UTRN: variants seen among roughly 807,000 people sequenced by gnomAD.
The protein encoded by UTRN is utrophin.
UTRN carries 283 observed loss-of-function variants against 463.9 expected under a neutral mutation model. The ratio of observed to expected loss-of-function variants is 0.61; its 90% CI spans 0.55 to 0.67. The LOEUF (loss-of-function observed/expected upper bound fraction) is 0.67. Ranked by LOEUF, UTRN falls within the 30% of genes least tolerant of loss-of-function variation. The probability of loss-of-function intolerance (pLI) is 0.00; values close to 1 mark genes in which losing one functional copy is unlikely to be tolerated. For synonymous variants in UTRN, 1,442 were observed against 1,431.5 expected (o/e 1.01, Z -0.17); for missense variants, 3,922 against 4,084.3 (o/e 0.96, Z 1.08).
chr6:144,536,335 G>A (rs1322926043), intron 43 of UTRN, among the ~76,000 whole-genome samples: 1 of 152,026 alleles, frequency 6.6e-6, no homozygotes, highest in Non-Finnish European at 1.5e-5. Flanking sequence ...AGAAACAAAG[G>A]CCTATAATAG....
chr6:144,441,838 T>G (rs1305133370), intron 13 of UTRN, among the ~76,000 whole-genome samples: 1 of 152,246 alleles, frequency 6.6e-6, no homozygotes, highest in Admixed American at 6.5e-5. Context: ...TCTTGACTTC[T>G]GTGTACCCGC....
intron 34 of UTRN, among the ~76,000 whole-genome samples, chr6:144,505,623 T>C (rs60733415): frequency 0.029 from 4,349 of 152,282 alleles, 203 homozygotes; most frequent in African/African-American, 0.098. Context: ...AGAGACTGTT[T>C]GTTACGATTT....
At chr6:144,815,640 G>A (rs369425245) in intron 65 of UTRN, among the ~76,000 whole-genome samples, 7 of 152,306 alleles carry the variant, frequency 4.6e-5, no homozygotes, top group Admixed American at 1.3e-4. Flanking sequence ...AAAGATGAAG[G>A]CCAGAAGACT....
chr6:144,646,406 G>A (rs12198720), intron 51 of UTRN, among the ~76,000 whole-genome samples: 1 of 151,978 alleles, frequency 6.6e-6, no homozygotes, highest in African/African-American at 2.4e-5. Context: ...ATGTTACTAG[G>A]TTCCTCTGTG....
chr6:144,846,932 G>C, intron 74 of UTRN, 105 bp downstream of exon 74: 1 of 1,467,498 alleles, frequency 6.8e-7, no homozygotes, highest in South Asian at 1.2e-5. Context: ...ATGTAAATAA[G>C]TAAACTTACT....
intron 23 of UTRN, among the ~76,000 whole-genome samples, chr6:144,465,541 T>C (rs1159234644): frequency 6.6e-6 from 1 of 152,248 alleles, no homozygotes; most frequent in African/African-American, 2.4e-5. Context: ...GTGTACTAAC[T>C]GCAAGATTGT....
rs1438507557 is a variant in UTRN at position 144,828,798 on chromosome 6, A to G, written c.9608A>G (p.Gln3203Arg). 3 of 1,613,500 alleles carry G rather than the reference A, an allele frequency of 1.9e-6. No individual in the cohort carries two copies. The highest frequency in any genetic ancestry group is 2.5e-6 in the Non-Finnish European group (3 of 1,179,572). The change falls in exon 69 of 75, where the codon CAG (glutamine) becomes CGG (arginine). Residue 3203 changes from glutamine (Q) to arginine (R), a missense_variant. Gln to Arg is a conservative substitution (Grantham distance 43). Around this residue, in one of 3 missense-constraint regions of UTRN, gnomAD observed 1,309 missense variants for 1,452.6 expected, o/e 0.90. Coordinates refer to ENST00000367545, the MANE Select transcript of UTRN (RefSeq NM_007124.3). The part of the protein sequence containing the change: ...RIEQYATRLA[Q>R]MERTNGSFLT... ...TTATTTTTATTTTGCAGACTGGCCC[A>G]GATGGAAAGGACTAATGGGTCTTTT...
At chr6:144,311,799 A>T (rs866811779) in intron 2 of UTRN, 1 of 152,242 alleles carries the variant, frequency 6.6e-6, no homozygotes, top group Admixed American at 6.5e-5. Context: ...TGTTGGGGTT[A>T]TAGAAATATA....
intron 36 of UTRN, 74 bp downstream of exon 36, chr6:144,514,111 T>A (rs187374006): frequency 6.4e-7 from 1 of 1,574,302 alleles, no homozygotes; most frequent in East Asian, 2.3e-5. Flanking sequence ...TCTGGAATGC[T>A]CTAAGTTACT....
chr6:144,669,981 G>A (rs1220568549), intron 51 of UTRN, among the ~76,000 whole-genome samples: 1 of 151,872 alleles, frequency 6.6e-6, no homozygotes, highest in East Asian at 1.9e-4. Context: ...GTGTGTGTGT[G>A]TGTGTGTGTA....
intron 51 of UTRN, among the ~76,000 whole-genome samples, chr6:144,590,901 T>C (rs1224286637): frequency 7.0e-6 from 1 of 143,708 alleles, no homozygotes; most frequent in Non-Finnish European, 1.5e-5. Flanking sequence ...CACACACACA[T>C]AAGGTTGTTG....
intron 50 of UTRN, among the ~76,000 whole-genome samples, chr6:144,562,389 G>A (rs1325166988): frequency 6.6e-6 from 1 of 151,924 alleles, no homozygotes; most frequent in East Asian, 1.9e-4. Flanking sequence ...CCAGTGTGTT[G>A]TTCCCCTCCC....
intron 54 of UTRN, among the ~76,000 whole-genome samples, chr6:144,732,243 T>TATATATATATACACAC (rs1788670136): frequency 3.0e-5 from 3 of 100,992 alleles, no homozygotes; most frequent in Non-Finnish European, 5.5e-5. Context: ...TATATACATA[T>TATATATATATACACAC]ATATATATAT....
At chr6:144,718,699 A>G (rs1786771804) in intron 53 of UTRN, among the ~76,000 whole-genome samples, 1 of 152,194 alleles carries the variant, frequency 6.6e-6, no homozygotes, top group Admixed American at 6.5e-5. Context: ...ACTTTACCAC[A>G]GAACAGTATT....
chr6:144,326,306 G>GC (rs1554216587), intron 2 of UTRN, among the ~76,000 whole-genome samples: 1 of 144,658 alleles, frequency 6.9e-6, no homozygotes, highest in African/African-American at 2.5e-5. Context: ...TGGTCCCTTA[G>GC]TTTTTTTTTT....
chr6:144,694,836 C>T (rs1018761898), intron 52 of UTRN, among the ~76,000 whole-genome samples: 1 of 151,652 alleles, frequency 6.6e-6, no homozygotes, highest in Non-Finnish European at 1.5e-5. Flanking sequence ...TTTTCAAAAA[C>T]CCAGCTCCTG....
intron 50 of UTRN, among the ~76,000 whole-genome samples, chr6:144,567,066 G>A (rs1194209737): frequency 1.3e-5 from 2 of 152,162 alleles, no homozygotes; most frequent in African/African-American, 2.4e-5. Flanking sequence ...AGGTTCGATT[G>A]AGCCTAGGAG....
At chr6:144,690,091 T>TGTGTGTGTGTG (rs1447726041) in intron 52 of UTRN, among the ~76,000 whole-genome samples, 3 of 34,414 alleles carry the variant, frequency 8.7e-5, no homozygotes, top group African/African-American at 4.5e-4. Context: ...TTTTTTTTTT[T>TGTGTGTGTGTG]TTTTTGTGTG....
intron 2 of UTRN, among the ~76,000 whole-genome samples, chr6:144,313,329 G>C (rs1241373336): frequency 6.6e-6 from 1 of 151,162 alleles, no homozygotes; most frequent in African/African-American, 2.4e-5. Flanking sequence ...TGTGGGGATG[G>C]AGGAGAAGAG....
Sources: gnomAD v4.1 joint callset for allele counts (sites outside exome capture counted in the v4.1 genomes callset) on GRCh38, gnomAD v4.1.1 for gene constraint, gnomAD v4.1.1 regional missense constraint, MANE v1.5 for transcripts, NCBI Gene and HGNC (gene_info 2026-07-23, HGNC 2026-07-21) for gene names.